PLEKHM2: variants seen among roughly 807,000 people sequenced by gnomAD.
The protein encoded by PLEKHM2 is pleckstrin homology and RUN domain containing M2.
PLEKHM2 carries 77 observed loss-of-function variants against 116.3 expected under a neutral mutation model. That is an observed-to-expected ratio of 0.66 (90% CI 0.55 to 0.80). The LOEUF (loss-of-function observed/expected upper bound fraction) is 0.80, where lower values mean the gene tolerates loss of function less well. PLEKHM2 is among the 30% of genes least tolerant of loss of function. PLEKHM2 has a pLI of 0.00. For synonymous variants in PLEKHM2, 562 were observed against 571.0 expected, an observed-to-expected ratio of 0.98 and a Z score of 0.22; for missense variants, 1,183 against 1,354.9, an observed-to-expected ratio of 0.87 and a Z score of 1.99.
chr1:15,706,343 C>T (rs1641225407), intron 1 of PLEKHM2, among the ~76,000 whole-genome samples: 1 of 152,160 alleles, frequency 6.6e-6, no homozygotes. Flanking sequence ...ATACTTTCCC[C>T]CCGGATGCCA....
At chr1:15,710,618 CA>C (rs1228131070) in intron 1 of PLEKHM2, among the ~76,000 whole-genome samples, 4 of 152,104 alleles carry the variant, frequency 2.6e-5, no homozygotes, top group East Asian at 3.9e-4. Flanking sequence ...TAAGCCACTG[CA>C]CCCAGCTACC....
intron 7 of PLEKHM2, among the ~76,000 whole-genome samples, chr1:15,723,740 G>C (rs1198365231): frequency 1.9e-5 from 2 of 105,966 alleles, no homozygotes; most frequent in African/African-American, 4.6e-5. Flanking sequence ...GCGAGACCCT[G>C]TCTCAAAAAA....
At chr1:15,690,069 T>G (rs12076557) in intron 1 of PLEKHM2, among the ~76,000 whole-genome samples, 43,545 of 150,602 alleles carry the variant, frequency 0.29, 7,651 homozygotes, top group African/African-American at 0.5. Context: ...GTTTTTTTTT[T>G]TTTTGTTTTG....
In PLEKHM2 at chr1:15,727,951, T is replaced by C; in HGVS notation, c.1760+119T>C. 1 of 1,190,666 alleles carries C rather than the reference T, an allele frequency of 8.4e-7. No individual in the cohort carries two copies. Among genetic ancestry groups the C allele is most frequent in the Non-Finnish European group, 1.2e-6 (1 of 825,362 alleles). The allele number at this position is 1,190,666 out of a possible 1,614,324, so 73.8% of individuals were successfully genotyped here. ...GACCTAGCCTGAGTGAGAAGGGGTG[T>C]GAGCCTCCCTCCCTAACTTTGGCTC... is the stretch of plus-strand genomic sequence containing the variant. On this transcript the variant is annotated intron_variant, in intron 9 of 19. Transcript: ENST00000375799. This position sits in a 1 kb window ranked among gnomAD's most constrained non-coding sequence, Gnocchi z 7.5.
intron 17 of PLEKHM2, 83 bp downstream of exon 17, chr1:15,732,131 A>G: frequency 7.3e-7 from 1 of 1,362,898 alleles, no homozygotes; most frequent in Non-Finnish European, 1.0e-6. Context: ...ACCCATAGTC[A>G]CAGAGCAACC....
chr1:15,728,453 G>A lies in PLEKHM2; in HGVS notation c.1921+96G>A. 2 of 1,195,794 alleles carry A rather than the reference G, an allele frequency of 1.7e-6. No individual in the cohort carries two copies. The highest frequency in any genetic ancestry group is 1.4e-5 in the South Asian group (1 of 70,280). 74.1% of individuals were successfully genotyped at this position (1,195,794 alleles called of 1,614,324 possible). On this transcript the variant is annotated intron_variant, in intron 11 of 19. Coordinates refer to ENST00000375799, the MANE Select transcript of PLEKHM2 (RefSeq NM_015164.4). The surrounding 1 kb of genome is among the most constrained non-coding windows in gnomAD (Gnocchi z 5.9). Reference sequence around the variant, plus strand: ...CTTGCCCTCTGAGTGCCTCCCGGCTGCCTGGCATGCAGTGATGGAAAGGCA... The same window carrying A: ...CTTGCCCTCTGAGTGCCTCCCGGCTACCTGGCATGCAGTGATGGAAAGGCA...
At chr1:15,723,993 C>A (rs1187997803) in intron 7 of PLEKHM2, among the ~76,000 whole-genome samples, 1 of 152,222 alleles carries the variant, frequency 6.6e-6, no homozygotes, top group Non-Finnish European at 1.5e-5. Flanking sequence ...GGCCTCAGCT[C>A]TCTGCTTGGG....
At chr1:15,730,768 G>A in intron 15 of PLEKHM2, 46 bp downstream of exon 15, 2 of 1,497,142 alleles carry the variant, frequency 1.3e-6, no homozygotes, top group African/African-American at 1.4e-5. Flanking sequence ...GCCCTGGGGT[G>A]GCTGGGCTGT....
chr1:15,719,704 C>T lies in PLEKHM2; in HGVS notation c.466-30C>T. 1 of 1,561,762 alleles carries T rather than the reference C, an allele frequency of 6.4e-7. No individual in the cohort carries two copies. Among genetic ancestry groups the T allele is most frequent in the East Asian group, 2.3e-5 (1 of 43,936 alleles). ...GAAGGCCGCTGCACGAGGCCTCCCA[C>T]CAAACGGGCCTCCTCTACTCTCTCC... On this transcript the variant is annotated intron_variant, in intron 5 of 19. Transcript: ENST00000375799. The surrounding 1 kb of genome is among the most constrained non-coding windows in gnomAD (Gnocchi z 4.1).
In PLEKHM2 at chr1:15,725,393, G is replaced by T; in HGVS notation, c.789G>T (p.Arg263Ser). ...SDLTSSKAST[R>S]SPTQRQNPFN... Reference sequence around the variant, plus strand: ...TGACCAGCAGCAAGGCCTCCACCAGGAGCCCCACCCAGCGCCAGAACCCCT... The same window carrying T: ...TGACCAGCAGCAAGGCCTCCACCAGTAGCCCCACCCAGCGCCAGAACCCCT... Residue 263 changes from arginine (R) to serine (S), a missense_variant, in exon 8 of 20, where the codon AGG (arginine) becomes AGT (serine). Physicochemically the swap from Arg to Ser is moderately radical, Grantham distance 110. This residue lies in a region of PLEKHM2 where 372 missense variants were observed against 357.2 expected (regional missense o/e 1.04). Transcript: ENST00000375799. 6 of 1,552,398 alleles carry T rather than the reference G, an allele frequency of 3.9e-6. No homozygotes were observed. The highest frequency in any genetic ancestry group is 5.2e-6 in the Non-Finnish European group (6 of 1,147,650).
chr1:15,724,358 C>G (rs2068033422), intron 7 of PLEKHM2, among the ~76,000 whole-genome samples: 1 of 152,158 alleles, frequency 6.6e-6, no homozygotes, highest in African/African-American at 2.4e-5. Context: ...TGGCGCATGC[C>G]TGTAATCCTA....
rs769152112 is a variant in PLEKHM2 at position 15,732,020 on chromosome 1, A to G, written c.2597A>G (p.Gln866Arg). ...GAGGCCGAGATGGCCGAGTGGATGC[A>G]GCATCTCTGCCAGGCTGTGTCCAAA... is the stretch of plus-strand genomic sequence containing the variant. ...ESEAEMAEWM[Q>R]HLCQAVSKGV... The change falls in exon 17 of 20, where the codon CAG (glutamine) becomes CGG (arginine). Residue 866 changes from glutamine to arginine, a missense_variant. This residue lies in a region of PLEKHM2 where 594 missense variants were observed against 720.1 expected (regional missense o/e 0.82). Transcript: ENST00000375799. The G allele has an allele frequency of 1.2e-6, 2 of 1,612,152 alleles. No individual in the cohort carries two copies. The highest frequency in any genetic ancestry group is 1.7e-5 in the Admixed American group (1 of 59,950).
In PLEKHM2 at chr1:15,727,095, C is replaced by A; in HGVS notation, c.1023C>A (p.Ser341Arg). The A allele has an allele frequency of 6.4e-7, 1 of 1,553,388 alleles. No individual in the cohort carries two copies. Among genetic ancestry groups the A allele is most frequent in the South Asian group, 1.2e-5 (1 of 81,904 alleles). ...CAAGTCCACTCCACCCCGCCTGCAG[C>A]CAGAAGAAATGTGCCAAGCAGGGGG... The part of the protein sequence containing the change: ...EEASPLHPAC[S>R]QKKCAKQGDG... Residue 341 changes from serine to arginine, a missense_variant, in exon 9 of 20, where the codon AGC becomes AGA. Physicochemically the swap from Ser to Arg is moderately radical, Grantham distance 110. Coordinates refer to ENST00000375799, the MANE Select transcript of PLEKHM2 (RefSeq NM_015164.4). The surrounding 1 kb of genome is among the most constrained non-coding windows in gnomAD (Gnocchi z 7.5).
rs745583218 is a variant in PLEKHM2 at position 15,732,017 on chromosome 1, T to G, written c.2594T>G (p.Met865Arg). The change falls in exon 17 of 20, where the codon ATG (methionine) becomes AGG (arginine). Residue 865 changes from methionine to arginine, a missense_variant. Transcript: ENST00000375799. The stretch of plus-strand genomic sequence containing the variant: ...AGCGAGGCCGAGATGGCCGAGTGGA[T>G]GCAGCATCTCTGCCAGGCTGTGTCC... ...AESEAEMAEW[M>R]QHLCQAVSKG... 3 of 1,612,334 alleles carry G rather than the reference T, an allele frequency of 1.9e-6. No homozygotes were observed. In the Admixed American group the frequency reaches 5.0e-5, roughly 27 times the overall value.
intron 1 of PLEKHM2, among the ~76,000 whole-genome samples, chr1:15,690,820 T>C (rs561244378): frequency 6.6e-6 from 1 of 152,314 alleles, no homozygotes; most frequent in African/African-American, 2.4e-5. Flanking sequence ...GGAAGGTTCA[T>C]ATGAACAGGC....
intron 1 of PLEKHM2, among the ~76,000 whole-genome samples, chr1:15,686,055 G>C (rs1213316317): frequency 6.6e-6 from 1 of 152,198 alleles, no homozygotes; most frequent in Non-Finnish European, 1.5e-5. Context: ...CAAATGAATG[G>C]AGAAAGTCTG....
chr1:15,719,962 A>C lies in PLEKHM2; in HGVS notation c.652+42A>C. 1 of 1,495,556 alleles carries C rather than the reference A, an allele frequency of 6.7e-7. No individual in the cohort carries two copies. The highest frequency in any genetic ancestry group is 9.2e-7 in the Non-Finnish European group (1 of 1,089,936). 92.6% of individuals were successfully genotyped at this position (1,495,556 alleles called of 1,614,324 possible). Reference sequence around the variant, plus strand: ...CAGAAAAGCTAAGCCCCTGTTGTGAAACAGACTTGAACTGCTTAAGCCTGG... The same window carrying C: ...CAGAAAAGCTAAGCCCCTGTTGTGACACAGACTTGAACTGCTTAAGCCTGG... On this transcript the variant is annotated intron_variant, in intron 6 of 19. Coordinates refer to ENST00000375799, the MANE Select transcript of PLEKHM2 (RefSeq NM_015164.4). This position sits in a 1 kb window ranked among gnomAD's most constrained non-coding sequence, Gnocchi z 4.1.
intron 16 of PLEKHM2, 25 bp from the exon 17 acceptor site, chr1:15,731,864 G>A (rs772726169): frequency 4.9e-5 from 78 of 1,601,384 alleles, no homozygotes; most frequent in South Asian, 3.5e-4. Context: ...CCTCGCTCCC[G>A]TTTCACCCTC....
chr1:15,711,643 G>A (rs1262768246), intron 1 of PLEKHM2, among the ~76,000 whole-genome samples: 1 of 151,244 alleles, frequency 6.6e-6, no homozygotes, highest in Non-Finnish European at 1.5e-5. Context: ...AAAGAAAAAA[G>A]GCACTTCTGT....
Sources: allele counts gnomAD v4.1 joint callset (sites outside exome capture counted in the v4.1 genomes callset), GRCh38; gene constraint gnomAD v4.1.1; regional missense constraint gnomAD v4.1.1; non-coding constraint Gnocchi (gnomAD v3.1); transcripts MANE v1.5; gene names NCBI Gene and HGNC (gene_info 2026-07-23, HGNC 2026-07-21).